The following FAM167A variants were observed in gnomAD, a reference collection of about 807,000 sequenced individuals.
FAM167A encodes the protein family with sequence similarity 167 member A, also known as protein FAM167A.
Under a neutral mutation model 14.9 loss-of-function variants are expected in FAM167A, and 23 were observed. That is an observed-to-expected ratio of 1.55 (90% confidence interval 1.11 to 2.19). The LOEUF is 2.19. Among genes scored for constraint, FAM167A ranks in the 30% most tolerant of loss-of-function variants. FAM167A has a pLI of 0.00. For synonymous variants in FAM167A, 174 were observed against 117.7 expected (o/e 1.48, Z -3.10); for missense variants, 401 against 281.5 (o/e 1.42, Z -3.04).
At chr8:11,442,816 T>C (rs1180534906) in intron 2 of FAM167A, among the ~76,000 whole-genome samples, 1 of 152,030 alleles carries the variant, frequency 6.6e-6, no homozygotes, top group Admixed American at 6.5e-5. Context: ...ACGGATATAA[T>C]AGAATGGTGT....
rs1806660833 is a variant in FAM167A, at chr8:11,444,517, T to A, written c.-106A>T. On this transcript the variant is annotated 5_prime_UTR_variant, in exon 2 of 3. Transcript: ENST00000284486. ...CCGCTCTGGGATGGCCTCATCCAGG[T>A]GCCCGAGGGCATTTCCGGGACAGGA... The A allele has an allele frequency of 1.2e-5, 17 of 1,474,290 alleles. No homozygotes were observed. Among genetic ancestry groups the A allele is most frequent in the Non-Finnish European group, 1.5e-5 (17 of 1,118,986 alleles). The allele number at this position is 1,474,290 out of a possible 1,614,324, so 91.3% of individuals were successfully genotyped here.
Position 11,444,311 on chromosome 8 carries a change from G to A in FAM167A, c.101C>T (p.Thr34Ile). Residue 34 changes from threonine to isoleucine, a missense_variant, in exon 2 of 3, where the codon ACC becomes ATC. Physicochemically the swap from Thr to Ile is moderately conservative, Grantham distance 89. Transcript: ENST00000284486. ...DDHLRSLKAL[T>I]EKLRLETRRP... Reference sequence around the variant, plus strand: ...GCGGGTCTCCAGCCTCAGTTTCTCGGTGAGGGCCTTCAGGCTCCGGAGGTG... The same window carrying A: ...GCGGGTCTCCAGCCTCAGTTTCTCGATGAGGGCCTTCAGGCTCCGGAGGTG... 1.2e-6 allele frequency: 2 copies of A among 1,612,368 alleles called. No individual in the cohort carries two copies. Among genetic ancestry groups the A allele is most frequent in the Non-Finnish European group, 1.7e-6 (2 of 1,179,782 alleles).
At chr8:11,453,653 C>T (rs1807115285) in intron 1 of FAM167A, among the ~76,000 whole-genome samples, 1 of 152,146 alleles carries the variant, frequency 6.6e-6, no homozygotes, top group Non-Finnish European at 1.5e-5. Context: ...GTCAGAGGCT[C>T]TGTGACCCTC....
At chr8:11,449,688 G>C (rs141513611) in intron 1 of FAM167A, among the ~76,000 whole-genome samples, 1 of 152,202 alleles carries the variant, frequency 6.6e-6, no homozygotes, top group African/African-American at 2.4e-5. Context: ...CAAGCCCTTG[G>C]GGGGGCGCGT....
intron 2 of FAM167A, chr8:11,443,653 C>T: frequency 5.0e-6 from 1 of 199,676 alleles, no homozygotes; most frequent in Non-Finnish European, 1.0e-5. Context: ...TGGCAGGCAG[C>T]TGGGGTGGAC....
intron 2 of FAM167A, chr8:11,438,285 G>A (rs1413349921): frequency 1.0e-5 from 4 of 401,928 alleles, no homozygotes; most frequent in East Asian, 7.1e-5. Flanking sequence ...GGGAGAGCAG[G>A]CAGGACCTCC....
At chr8:11,456,903 T>G (rs1585275430) in intron 1 of FAM167A, among the ~76,000 whole-genome samples, 1 of 54,630 alleles carries the variant, frequency 1.8e-5, no homozygotes, top group South Asian at 6.6e-4. Context: ...ATGGGGGGAT[T>G]GGGTTCGGGA....
intron 2 of FAM167A, among the ~76,000 whole-genome samples, chr8:11,436,422 C>A (rs1469113149): frequency 2.6e-5 from 4 of 152,218 alleles, no homozygotes. Flanking sequence ...TACGGCTGTT[C>A]TTGCTGGGCC....
intron 1 of FAM167A, chr8:11,445,417 T>G: frequency 2.0e-6 from 2 of 985,804 alleles, no homozygotes; most frequent in Non-Finnish European, 2.4e-6. Context: ...AACAACACCT[T>G]ACCTCACCTC....
chr8:11,466,516 G>C (rs2736319), intron 1 of FAM167A, 110 bp downstream of exon 1: 131,378 of 152,440 alleles, frequency 0.86, 56,956 homozygotes, highest in African/African-American at 0.93. Flanking sequence ...CTCCGGGCCA[G>C]TGCTCGCGCT....
At position 11,424,039 on chromosome 8, in the gene FAM167A, T is replaced by G; in HGVS notation, c.*334A>C. ...GGGGGCCTCCCTTTGGGAATCCCAG[T>G]TCATAGCACCAGTGATTCCAGGAAA... On this transcript the variant is annotated 3_prime_UTR_variant, in exon 3 of 3. Transcript: ENST00000284486. The G allele has an allele frequency of 3.9e-6, 1 of 257,706 alleles. No homozygotes were observed. Among genetic ancestry groups the G allele is most frequent in the Non-Finnish European group, 7.5e-6 (1 of 133,402 alleles). 16.0% of individuals were successfully genotyped at this position (257,706 alleles called of 1,614,324 possible). A position where few individuals can be genotyped will look rare whatever the true frequency, so the allele number is the denominator to read the frequency against.
chr8:11,440,079 C>A (rs1188272844), intron 2 of FAM167A, among the ~76,000 whole-genome samples: 1 of 152,184 alleles, frequency 6.6e-6, no homozygotes, highest in Non-Finnish European at 1.5e-5. Flanking sequence ...GAAGGTGAAA[C>A]CTGGGGGCTG....
At chr8:11,454,886 C>A (rs1392947351) in intron 1 of FAM167A, among the ~76,000 whole-genome samples, 4 of 152,216 alleles carry the variant, frequency 2.6e-5, no homozygotes, top group African/African-American at 9.6e-5. Context: ...CTGGGCCCCA[C>A]AGAGCTGCTG....
At chr8:11,456,392 T>TGAGTGTGAGTGTGA (rs143216488) in intron 1 of FAM167A, among the ~76,000 whole-genome samples, 1 of 120,496 alleles carries the variant, frequency 8.3e-6, no homozygotes, top group Non-Finnish European at 1.7e-5. Flanking sequence ...GCCTGGTGTG[T>TGAGTGTGAGTGTGA]GTGTGAGTGT....
Position 11,424,623 on chromosome 8 carries a change from A to C in FAM167A, c.395T>G (p.Leu132Arg). ...CTGTCTGGCCAGTTGCTGGTCCTGC[A>C]GCCGCATCTCCGTCTGGAAGGGAGG... ...WLRKELTEMR[L>R]QDQQLARQLM... is the part of the protein sequence containing the mutation. The change falls in exon 3 of 3, where the codon CTG becomes CGG. Residue 132 changes from leucine to arginine, a missense_variant. Transcript: ENST00000284486. The C allele has an allele frequency of 3.1e-6, 5 of 1,613,858 alleles. No homozygotes were observed. Among genetic ancestry groups the C allele is most frequent in the Non-Finnish European group, 3.4e-6 (4 of 1,179,934 alleles).
intron 2 of FAM167A, among the ~76,000 whole-genome samples, chr8:11,435,800 G>T (rs569662404): frequency 6.6e-6 from 1 of 152,178 alleles, no homozygotes; most frequent in Non-Finnish European, 1.5e-5. Flanking sequence ...GATAATAATT[G>T]ACCGTAATTA....
rs999407575 is a variant in FAM167A, at chr8:11,475,166, G to A, written c.-398+700C>T. Among the ~76,000 whole-genome samples the A allele has an allele frequency of 3.9e-5, 6 of 152,246 alleles. No homozygotes were observed. The East Asian group carries it at 1.2e-3, about 29-fold the overall frequency. Reference sequence around the variant, plus strand: ...TGGGGCTAACAGTTCTGCAGCCAAGGCCCACCGTGGTGCCCCCACCTTAGG... The same window carrying A: ...TGGGGCTAACAGTTCTGCAGCCAAGACCCACCGTGGTGCCCCCACCTTAGG... On this transcript the variant is annotated intron_variant, in intron 1 of 1. Transcript: ENST00000648766.
At chr8:11,428,615 G>A (rs1249116982) in intron 2 of FAM167A, among the ~76,000 whole-genome samples, 3 of 152,184 alleles carry the variant, frequency 2.0e-5, no homozygotes, top group African/African-American at 4.8e-5. Context: ...TGAGCATCTC[G>A]CTAGGATGCA....
At chr8:11,474,267 C>G (rs1797799689) in intron 1 of FAM167A, among the ~76,000 whole-genome samples, 1 of 152,252 alleles carries the variant, frequency 6.6e-6, no homozygotes, top group African/African-American at 2.4e-5. Flanking sequence ...GTACCAGGCA[C>G]AGCATGAACA....
Sources: allele counts gnomAD v4.1 joint callset (sites outside exome capture counted in the v4.1 genomes callset), GRCh38; gene constraint gnomAD v4.1.1; transcripts MANE v1.5; gene names NCBI Gene and HGNC (gene_info 2026-07-23, HGNC 2026-07-21).